The following IL31RA variants were observed in gnomAD, a reference collection of about 807,000 sequenced individuals.
The protein encoded by IL31RA is interleukin-31 receptor subunit alpha.
In IL31RA, 66 loss-of-function variants were observed where a neutral mutation model predicts 83.7. That is an observed-to-expected ratio of 0.79 (90% CI 0.65 to 0.97). IL31RA has a LOEUF of 0.97. Ranked by LOEUF, IL31RA falls within the 50% of genes least tolerant of loss-of-function variation. IL31RA has a pLI of 0.00. For missense variants in IL31RA, 798 were observed against 919.4 expected (o/e 0.87, Z 1.71); for synonymous variants, 325 against 329.0 (o/e 0.99, Z 0.13).
At chr5:55,896,974 A>T (rs1385162187) in intron 7 of IL31RA, among the ~76,000 whole-genome samples, 1 of 31,078 alleles carries the variant, frequency 3.2e-5, no homozygotes, top group Non-Finnish European at 6.2e-5. Flanking sequence ...GTGCCAGTAC[A>T]CCCAGCTAAT....
upstream of IL31RA, among the ~76,000 whole-genome samples, chr5:55,846,747 A>G (rs4583852): frequency 0.78 from 118,163 of 151,900 alleles, 46,775 homozygotes; most frequent in African/African-American, 0.88. Flanking sequence ...AGCCAAGATC[A>G]TGCCACTGCA....
In IL31RA at chr5:55,867,118, TG is replaced by T. The variant is rs1211694941; in HGVS notation, c.155-1672del. Among the ~76,000 whole-genome samples the T allele has an allele frequency of 4.2e-3, 487 of 115,272 alleles. 51 individuals are homozygous for T. The highest frequency in any genetic ancestry group is 0.018 in the African/African-American group (470 of 26,108). 75.6% of individuals were successfully genotyped at this position (115,272 alleles called of 152,430 possible). On this transcript the variant is annotated intron_variant, in intron 2 of 14. Coordinates refer to ENST00000652347, the MANE Select transcript of IL31RA (RefSeq NM_139017.7). Reference sequence around the variant, plus strand: ...GTGTGTTTGTGTGTGTGTGCATGTGTGTGTTTGTGTGTGTGTGCATGTGTGT... The same window carrying T: ...GTGTGTTTGTGTGTGTGTGCATGTGTTGTTTGTGTGTGTGTGCATGTGTGT...
chr5:55,917,045 T>C lies in IL31RA; in HGVS notation c.2220T>C (p.Tyr740=), dbSNP rs766091274. Residue 740 remains tyrosine (Y), a synonymous_variant, in exon 15 of 15, where the codon TAT becomes TAC. Transcript: ENST00000652347. The part of the protein sequence containing the change: ...HLCEEGAPNP[Y]LKNSVTAREF... ...GTGAGGAAGGAGCCCCAAATCCATA[T>C]TTGAAAAATTCAGTGACAGCCAGGG... 5.0e-6 allele frequency: 8 copies of C among 1,614,228 alleles called. No homozygotes were observed. The highest frequency in any genetic ancestry group is 1.7e-5 in the Admixed American group (1 of 60,028).
rs962034676 is a variant in IL31RA at position 55,918,569 on chromosome 5, G to A, written c.*1449G>A. Among the ~76,000 whole-genome samples the A allele has an allele frequency of 3.3e-5, 5 of 152,110 alleles. No homozygotes were observed. The highest frequency in any genetic ancestry group is 5.9e-5 in the Non-Finnish European group (4 of 68,016). ...CTGAGTGCCGAGGATGTTCAATGGCGCAGCGTGCATGGGGCAGAGTTGGTC... is the reference window on the plus strand; with the variant it reads ...CTGAGTGCCGAGGATGTTCAATGGCACAGCGTGCATGGGGCAGAGTTGGTC... On this transcript the variant is annotated 3_prime_UTR_variant, in exon 15 of 15. Coordinates refer to ENST00000652347, the MANE Select transcript of IL31RA (RefSeq NM_139017.7).
chr5:55,898,881 G>A (rs548052338), intron 7 of IL31RA, among the ~76,000 whole-genome samples: 13 of 152,008 alleles, frequency 8.6e-5, no homozygotes, highest in South Asian at 8.3e-4. Flanking sequence ...AAAATTAGTC[G>A]GGCATGGTGG....
the IL31RA span, among the ~76,000 whole-genome samples, chr5:55,843,280 T>G: frequency 6.6e-6 from 1 of 152,194 alleles, no homozygotes; most frequent in Non-Finnish European, 1.5e-5. Flanking sequence ...CAGGAAACAT[T>G]GCTTGATTCT....
chr5:55,904,482 A>G (rs191014105), intron 8 of IL31RA, among the ~76,000 whole-genome samples: 6 of 152,328 alleles, frequency 3.9e-5, no homozygotes, highest in Admixed American at 2.6e-4. Flanking sequence ...GGAGAAACTC[A>G]GAGCCCTAGG....
In IL31RA at chr5:55,917,477, G is replaced by A. The variant is rs749037600; in HGVS notation, c.*357G>A. 5.2e-6 allele frequency: 2 copies of A among 385,428 alleles called. No homozygotes were observed. The highest frequency in any genetic ancestry group is 8.5e-6 in the Non-Finnish European group (2 of 236,312). The allele number at this position is 385,428 out of a possible 1,614,324, so 23.9% of individuals were successfully genotyped here. A position where few individuals can be genotyped will look rare whatever the true frequency, so the allele number is the denominator to read the frequency against. On this transcript the variant is annotated 3_prime_UTR_variant, in exon 15 of 15. Transcript: ENST00000652347. ...TCTGGCCTCCCAGGAATTGGGTCAT[G>A]GTCCCAGCCTTTGCTGGGGCTGAGC...
intron 1 of IL31RA, among the ~76,000 whole-genome samples, chr5:55,854,272 A>G (rs1437052602): frequency 2.6e-5 from 4 of 152,214 alleles, no homozygotes; most frequent in South Asian, 4.1e-4. Context: ...AACTGGAGGT[A>G]GTCATCTGAC....
chr5:55,844,488 A>G, the IL31RA span, among the ~76,000 whole-genome samples: 3 of 152,208 alleles, frequency 2.0e-5, no homozygotes, highest in Non-Finnish European at 4.4e-5. Flanking sequence ...GTTCAAAGTA[A>G]TAATAATTAT....
In IL31RA at chr5:55,908,401, A is replaced by G. The variant is rs773010136; in HGVS notation, c.1491A>G (p.Gly497=). 15 of 1,614,206 alleles carry G rather than the reference A, an allele frequency of 9.3e-6. No individual in the cohort carries two copies. The highest frequency in any genetic ancestry group is 1.7e-6 in the Non-Finnish European group (2 of 1,180,038). ...NYTIFYQAEG[G]KGFSKTVNSS... is the part of the protein sequence containing the mutation. ...CCATCTTTTACCAAGCTGAAGGTGGAAAAGGATTCTGTAAGCACGCCCATA... is the reference window on the plus strand; with the variant it reads ...CCATCTTTTACCAAGCTGAAGGTGGGAAAGGATTCTGTAAGCACGCCCATA... Residue 497 remains glycine, a synonymous_variant, in exon 11 of 15, where the codon GGA becomes GGG. Coordinates refer to ENST00000652347, the MANE Select transcript of IL31RA (RefSeq NM_139017.7).
chr5:55,883,448 T>C (rs1747387525), intron 5 of IL31RA, among the ~76,000 whole-genome samples: 1 of 152,234 alleles, frequency 6.6e-6, no homozygotes, highest in Non-Finnish European at 1.5e-5. Flanking sequence ...ACTTCTGCAT[T>C]ATATCCAAGT....
chr5:55,898,379 A>G (rs1748569280), intron 7 of IL31RA, among the ~76,000 whole-genome samples: 1 of 137,848 alleles, frequency 7.3e-6, no homozygotes, highest in Admixed American at 8.1e-5. Flanking sequence ...GAGTTGGTTA[A>G]AAAAGAATGT....
In IL31RA at chr5:55,853,547, A is replaced by G. The variant is rs1194876835; in HGVS notation, c.63+1914A>G. The G allele has an allele frequency of 4.5e-6, 7 of 1,550,924 alleles. No homozygotes were observed. In the South Asian group the frequency reaches 8.3e-5, roughly 18 times the overall value. On this transcript the variant is annotated intron_variant, in intron 1 of 14. Coordinates refer to ENST00000652347, the MANE Select transcript of IL31RA (RefSeq NM_139017.7). ...CTTTGAGCCAGCAGAACATCTGTGGAACATCCCCTGATACATGAAGGTGAG... is the reference window on the plus strand; with the variant it reads ...CTTTGAGCCAGCAGAACATCTGTGGGACATCCCCTGATACATGAAGGTGAG...
the IL31RA span, among the ~76,000 whole-genome samples, chr5:55,843,503 G>A: frequency 6.6e-6 from 1 of 152,134 alleles, no homozygotes; most frequent in Non-Finnish European, 1.5e-5. Flanking sequence ...TGAATTTTGA[G>A]TTCAACTATG....
chr5:55,847,817 C>T (rs973587036), upstream of IL31RA, among the ~76,000 whole-genome samples: 2 of 152,168 alleles, frequency 1.3e-5, no homozygotes, highest in Non-Finnish European at 2.9e-5. Flanking sequence ...ATTGAGTCAT[C>T]ATATCTTTCC....
Position 55,896,424 on chromosome 5 carries a change from T to A in IL31RA, c.847T>A (p.Trp283Arg). The A allele has an allele frequency of 6.2e-7, 1 of 1,610,668 alleles. No homozygotes were observed. Among genetic ancestry groups the A allele is most frequent in the Non-Finnish European group, 8.5e-7 (1 of 1,177,006 alleles). Residue 283 changes from tryptophan (W) to arginine (R), a missense_variant, in exon 7 of 15, where the codon TGG becomes AGG. By Grantham distance (101) the Trp-to-Arg change is moderately radical. Coordinates refer to ENST00000652347, the MANE Select transcript of IL31RA (RefSeq NM_139017.7). Reference protein sequence around the residue: ...ADGRRPVRLLWKKARGAPVLE... With the variant: ...ADGRRPVRLLRKKARGAPVLE... ...TGGAAGAAGGCCAGTGCGGTTGTTATGGAAGGTGACCTCCCTCTGGATTCT... is the reference window on the plus strand; with the variant it reads ...TGGAAGAAGGCCAGTGCGGTTGTTAAGGAAGGTGACCTCCCTCTGGATTCT...
At chr5:55,905,548 A>G (rs1329160288) in intron 8 of IL31RA, among the ~76,000 whole-genome samples, 1 of 152,216 alleles carries the variant, frequency 6.6e-6, no homozygotes, top group Non-Finnish European at 1.5e-5. Flanking sequence ...GTTGCCATTT[A>G]TGTATTGATC....
rs1749850460 is a variant in IL31RA at position 55,917,334 on chromosome 5, G to A, written c.*214G>A. 4.9e-6 allele frequency: 7 copies of A among 1,432,986 alleles called. No homozygotes were observed. The Admixed American group carries it at 1.1e-4, about 22-fold the overall frequency. The allele number at this position is 1,432,986 out of a possible 1,614,324, so 88.8% of individuals were successfully genotyped here. ...TGGTGATAAGCCCGAGTTTTGTAAAGGAACAGCAGTCTCTTTTCGTTTGTT... is the reference window on the plus strand; with the variant it reads ...TGGTGATAAGCCCGAGTTTTGTAAAAGAACAGCAGTCTCTTTTCGTTTGTT... On this transcript the variant is annotated 3_prime_UTR_variant, in exon 15 of 15. Coordinates refer to ENST00000652347, the MANE Select transcript of IL31RA (RefSeq NM_139017.7).
Sources: gnomAD v4.1 joint callset for allele counts (sites outside exome capture counted in the v4.1 genomes callset) on GRCh38, gnomAD v4.1.1 for gene constraint, MANE v1.5 for transcripts, NCBI Gene and HGNC (gene_info 2026-07-23, HGNC 2026-07-21) for gene names.